TAFA2: variants seen among roughly 807,000 people sequenced by gnomAD.
TAFA2 encodes the protein TAFA chemokine like family member 2.
A neutral mutation model predicts 18.8 loss-of-function variants in TAFA2; 7 were observed. The ratio of observed to expected loss-of-function variants is 0.37; its 90% CI spans 0.21 to 0.70. The LOEUF is 0.70. Ranked by LOEUF, TAFA2 falls within the 30% of genes least tolerant of loss-of-function variation. TAFA2 has a pLI of 0.53. For synonymous variants in TAFA2, 60 were observed against 54.2 expected, an observed-to-expected ratio of 1.11 and a Z score of -0.47; for missense variants, 122 against 158.1, an observed-to-expected ratio of 0.77 and a Z score of 1.23.
In TAFA2 at chr12:61,790,699, T is replaced by A. The variant is rs573597162; in HGVS notation, c.107-35675A>T. On this transcript the variant is annotated intron_variant, in intron 2 of 4. Coordinates refer to ENST00000416284, the MANE Select transcript of TAFA2 (RefSeq NM_178539.5). ...TACACTGAAAACTATAAAATGCAGATGAAAGCAACTGAGAAGTACACGAAT... is the reference window on the plus strand; with the variant it reads ...TACACTGAAAACTATAAAATGCAGAAGAAAGCAACTGAGAAGTACACGAAT... Among the ~76,000 whole-genome samples the A allele has an allele frequency of 7.2e-5, 11 of 151,896 alleles. No homozygotes were observed. The East Asian group carries it at 1.6e-3, about 21-fold the overall frequency.
intron 4 of TAFA2, among the ~76,000 whole-genome samples, chr12:61,719,026 T>A (rs1644430244): frequency 6.6e-6 from 1 of 152,110 alleles, no homozygotes; most frequent in Non-Finnish European, 1.5e-5. Flanking sequence ...AGGGACAACC[T>A]TTCCTTGAGA....
intron 1 of TAFA2, among the ~76,000 whole-genome samples, chr12:62,205,109 G>A (rs899298975): frequency 6.6e-6 from 1 of 152,166 alleles, no homozygotes; most frequent in Non-Finnish European, 1.5e-5. Context: ...TTTGCTGGGG[G>A]TCTACTCAAG....
At chr12:62,163,670 C>T (rs540575493) in intron 1 of TAFA2, among the ~76,000 whole-genome samples, 59 of 152,190 alleles carry the variant, frequency 3.9e-4, no homozygotes, top group African/African-American at 1.4e-3. Flanking sequence ...CACAGAATGT[C>T]CTCTTTCATT....
intron 4 of TAFA2, among the ~76,000 whole-genome samples, chr12:61,747,728 G>C (rs1303387461): frequency 1.5e-5 from 2 of 133,794 alleles, no homozygotes; most frequent in East Asian, 4.8e-4. Context: ...GGTGGGGGGA[G>C]CGGGGAGGGA....
intron 1 of TAFA2, among the ~76,000 whole-genome samples, chr12:62,202,821 C>CCTTT (rs368047311): frequency 4.9e-5 from 3 of 61,624 alleles, no homozygotes; most frequent in Non-Finnish European, 9.1e-5. Context: ...CTGTGTGGTT[C>CCTTT]TTTTTTTTTT....
intron 1 of TAFA2, among the ~76,000 whole-genome samples, chr12:61,986,705 C>A (rs1879832570): frequency 6.6e-6 from 1 of 151,732 alleles, no homozygotes; most frequent in Non-Finnish European, 1.5e-5. Context: ...CTCACCCTAC[C>A]CTTCTAACAG....
At chr12:61,918,959 T>A (rs1018289716) in intron 1 of TAFA2, among the ~76,000 whole-genome samples, 5 of 152,236 alleles carry the variant, frequency 3.3e-5, no homozygotes, top group African/African-American at 1.2e-4. Context: ...TCCTCTTTAG[T>A]AAAATGGAGA....
At chr12:62,176,964 G>T (rs1181977834) in intron 1 of TAFA2, among the ~76,000 whole-genome samples, 1 of 152,178 alleles carries the variant, frequency 6.6e-6, no homozygotes, top group Non-Finnish European at 1.5e-5. Flanking sequence ...TGTGGCCTTG[G>T]TCAAGCCACT....
chr12:62,110,943 G>A (rs530850466), intron 1 of TAFA2, among the ~76,000 whole-genome samples: 77 of 151,922 alleles, frequency 5.1e-4, no homozygotes, highest in African/African-American at 1.8e-3. Context: ...AACAGCTTCT[G>A]GATTCATTGA....
At chr12:61,940,833 A>T (rs1877972895) in intron 1 of TAFA2, among the ~76,000 whole-genome samples, 1 of 152,164 alleles carries the variant, frequency 6.6e-6, no homozygotes, top group African/African-American at 2.4e-5. Context: ...ATGCCACTAG[A>T]ATACTATGGT....
intron 2 of TAFA2, among the ~76,000 whole-genome samples, chr12:61,850,893 G>A (rs1873614326): frequency 6.6e-6 from 1 of 152,008 alleles, no homozygotes; most frequent in Admixed American, 6.6e-5. Flanking sequence ...TCTTAATGCT[G>A]GAACACCAGC....
intron 3 of TAFA2, among the ~76,000 whole-genome samples, chr12:61,754,350 G>A (rs1448040662): frequency 1.3e-5 from 2 of 151,546 alleles, no homozygotes; most frequent in Non-Finnish European, 2.9e-5. Context: ...TGCATATAAA[G>A]ATTTATGTCC....
rs1307123340 is a variant in TAFA2, at chr12:62,222,664, G to A, written c.-130+36099C>T. 3.4e-5 allele frequency among the ~76,000 whole-genome samples: 5 copies of A among 148,470 alleles called. No homozygotes were observed. The South Asian group carries it at 6.3e-4, about 19-fold the overall frequency. On this transcript the variant is annotated intron_variant, in intron 1 of 5. Transcript: ENST00000551619. Reference sequence around the variant, plus strand: ...TGGGACTACAGGTGCCCGCCACCACGCCCAGCTAATTTTTTTTTTTTTTTT... The same window carrying A: ...TGGGACTACAGGTGCCCGCCACCACACCCAGCTAATTTTTTTTTTTTTTTT...
At chr12:61,767,073 C>T (rs780707214) in intron 2 of TAFA2, among the ~76,000 whole-genome samples, 6 of 151,892 alleles carry the variant, frequency 4.0e-5, no homozygotes, top group Non-Finnish European at 5.9e-5. Flanking sequence ...CATTTAATAT[C>T]GTAGTAAAGA....
intron 2 of TAFA2, among the ~76,000 whole-genome samples, chr12:61,805,552 CTAAT>C (rs1290321371): frequency 1.3e-5 from 2 of 152,062 alleles, no homozygotes; most frequent in Non-Finnish European, 2.9e-5. Flanking sequence ...TCTGGTAACA[CTAAT>C]TAATATAGTG....
chr12:61,938,230 T>TAAAAAAAAAAAAAAAA (rs1157161976), intron 1 of TAFA2, among the ~76,000 whole-genome samples: 1 of 98,484 alleles, frequency 1.0e-5, no homozygotes, highest in African/African-American at 3.8e-5. Flanking sequence ...ATAGATATGG[T>TAAAAAAAAAAAAAAAA]AAAAAAAAAA....
intron 1 of TAFA2, among the ~76,000 whole-genome samples, chr12:61,987,368 A>G (rs1432202946): frequency 1.3e-5 from 2 of 152,204 alleles, no homozygotes; most frequent in Non-Finnish European, 2.9e-5. Context: ...GTAATCCATC[A>G]AGTCTCAAGA....
At chr12:62,153,984 G>A (rs201781433) in intron 1 of TAFA2, among the ~76,000 whole-genome samples, 11 of 70,310 alleles carry the variant, frequency 1.6e-4, no homozygotes, top group Middle Eastern at 7.0e-3. Context: ...ATGTTATGTT[G>A]TTTTGTACTA....
intron 1 of TAFA2, among the ~76,000 whole-genome samples, chr12:62,222,132 G>GT (rs771400389): frequency 2.0e-5 from 3 of 152,280 alleles, no homozygotes; most frequent in East Asian, 3.9e-4. Flanking sequence ...ACATTGCATT[G>GT]TAAGAACCCT....
Sources: allele counts gnomAD v4.1 joint callset (sites outside exome capture counted in the v4.1 genomes callset), GRCh38; gene constraint gnomAD v4.1.1; transcripts MANE v1.5; gene names NCBI Gene and HGNC (gene_info 2026-07-23, HGNC 2026-07-21).